Variants in ATP9A observed in about 807,000 individuals in gnomAD.
The protein encoded by ATP9A is ATPase phospholipid transporting 9A, also known as probable phospholipid-transporting ATPase IIA.
Under a neutral mutation model 144.1 loss-of-function variants are expected in ATP9A, and 52 were observed. That is an observed-to-expected ratio of 0.36 (90% CI 0.29 to 0.45). The LOEUF (loss-of-function observed/expected upper bound fraction) is 0.45, where lower values mean the gene tolerates loss of function less well. ATP9A is among the 20% of genes least tolerant of loss of function. ATP9A has a pLI of 1.00. For synonymous variants in ATP9A, 582 were observed against 557.4 expected (o/e 1.04, Z -0.62); for missense variants, 947 against 1,392.7 (o/e 0.68, Z 5.09).
At chr20:51,616,608 C>CACACCGG (rs2077203847) in intron 22 of ATP9A, among the ~76,000 whole-genome samples, 1 of 152,178 alleles carries the variant, frequency 6.6e-6, no homozygotes, top group African/African-American at 2.4e-5. Context: ...CGTGAGCCAC[C>CACACCGG]GCTTCCAGCC....
chr20:51,671,538 C>T (rs1410672577), intron 11 of ATP9A, among the ~76,000 whole-genome samples: 2 of 152,154 alleles, frequency 1.3e-5, no homozygotes, highest in Non-Finnish European at 2.9e-5. Flanking sequence ...AGAAAAATTA[C>T]TGATCCCTTA....
rs761128939 is a variant in ATP9A at position 51,730,013 on chromosome 20, C to A, written c.69-35G>T. On this transcript the variant is annotated intron_variant, in intron 1 of 27. Coordinates refer to ENST00000338821, the MANE Select transcript of ATP9A (RefSeq NM_006045.3). ...AGAAACCCACGCATCAAGGCCACGC[C>A]CACGCATCGAGGCTGTGCTCATGTC... The A allele has an allele frequency of 5.4e-6, 8 of 1,481,996 alleles. No individual in the cohort carries two copies. The East Asian group carries it at 7.4e-5, about 14-fold the overall frequency. The allele number at this position is 1,481,996 out of a possible 1,614,324, so 91.8% of individuals were successfully genotyped here.
chr20:51,729,268 T>G (rs1269364257), intron 2 of ATP9A, among the ~76,000 whole-genome samples: 1 of 152,134 alleles, frequency 6.6e-6, no homozygotes, highest in Non-Finnish European at 1.5e-5. Flanking sequence ...ACCAAATACA[T>G]GTGAAGTTAC....
At chr20:51,637,286 T>C (rs2077296181) in intron 15 of ATP9A, among the ~76,000 whole-genome samples, 1 of 138,204 alleles carries the variant, frequency 7.2e-6, no homozygotes, top group African/African-American at 2.7e-5. Flanking sequence ...AAGTATCTTA[T>C]TTGATAACTT....
At chr20:51,768,024 C>T (rs961880429) in intron 1 of ATP9A, among the ~76,000 whole-genome samples, 1 of 152,130 alleles carries the variant, frequency 6.6e-6, no homozygotes, top group Non-Finnish European at 1.5e-5. Context: ...GTAAACAGCA[C>T]TGGGGCGGGC....
intron 10 of ATP9A, among the ~76,000 whole-genome samples, chr20:51,675,887 GAAAA>G (rs375688302): frequency 1.9e-5 from 2 of 103,500 alleles, no homozygotes; most frequent in Non-Finnish European, 4.4e-5. Flanking sequence ...CTCAAAAAAA[GAAAA>G]AAAAAAAAAA....
At chr20:51,626,266 A>G (rs2077248110) in intron 17 of ATP9A, among the ~76,000 whole-genome samples, 1 of 152,358 alleles carries the variant, frequency 6.6e-6, no homozygotes. Context: ...AGGCAGGCAG[A>G]TCACCTGAGG....
At position 51,612,356 on chromosome 20, in the gene ATP9A, A is replaced by G. The variant is rs533066459; in HGVS notation, c.2571+1321T>C. 2.6e-5 allele frequency among the ~76,000 whole-genome samples: 4 copies of G among 152,270 alleles called. No homozygotes were observed. In the South Asian group the frequency reaches 8.3e-4, roughly 32 times the overall value. ...ACAATCAATAGCTTTTTAATACCAA[A>G]AATATTTTCTTTCCCTCCTTTGGCC... On this transcript the variant is annotated intron_variant, in intron 23 of 27. Coordinates refer to ENST00000338821, the MANE Select transcript of ATP9A (RefSeq NM_006045.3).
At chr20:51,730,012 C>T in intron 1 of ATP9A, 34 bp from the exon 2 acceptor site, 2 of 1,484,254 alleles carry the variant, frequency 1.3e-6, no homozygotes, top group Non-Finnish European at 1.8e-6. Context: ...CAAGGCCACG[C>T]CCACGCATCG....
At chr20:51,636,870 G>A (rs963378191) in intron 15 of ATP9A, among the ~76,000 whole-genome samples, 3 of 152,346 alleles carry the variant, frequency 2.0e-5, no homozygotes, top group Admixed American at 6.5e-5. Flanking sequence ...TGGGCGGATT[G>A]CTTGATGTCA....
chr20:51,679,298 TG>T (rs2077490465), intron 9 of ATP9A, among the ~76,000 whole-genome samples: 1 of 150,490 alleles, frequency 6.6e-6, no homozygotes, highest in Admixed American at 6.6e-5. Context: ...TACTCCAGCC[TG>T]GGTGACGGAG....
intron 17 of ATP9A, among the ~76,000 whole-genome samples, chr20:51,626,850 A>G (rs892764539): frequency 2.0e-5 from 3 of 152,126 alleles, no homozygotes; most frequent in African/African-American, 7.2e-5. Flanking sequence ...TGAGGTCAGG[A>G]GTTCGAGACC....
At chr20:51,750,957 T>C (rs910792077) in intron 1 of ATP9A, among the ~76,000 whole-genome samples, 14 of 152,092 alleles carry the variant, frequency 9.2e-5, no homozygotes, top group Admixed American at 8.5e-4. Context: ...GGAGCGTCCA[T>C]GAGCAACACA....
intron 1 of ATP9A, among the ~76,000 whole-genome samples, chr20:51,737,484 A>G (rs921280405): frequency 7.9e-5 from 12 of 152,188 alleles, no homozygotes; most frequent in African/African-American, 2.7e-4. Flanking sequence ...CTCTTTGCAC[A>G]CGTGTGGGGC....
chr20:51,681,427 C>CTTTTTTTTTTTT (rs66579534), intron 9 of ATP9A, among the ~76,000 whole-genome samples: 1 of 131,636 alleles, frequency 7.6e-6, no homozygotes. Context: ...TCCTAAATTT[C>CTTTTTTTTTTTT]TTTTTTTTTT....
chr20:51,605,856 T>C (rs1209860715), intron 26 of ATP9A, among the ~76,000 whole-genome samples: 1 of 147,908 alleles, frequency 6.8e-6, no homozygotes, highest in African/African-American at 2.5e-5. Flanking sequence ...GAAGTTGCAG[T>C]AAGCCGAGAT....
chr20:51,718,391 T>C (rs1376936500), intron 3 of ATP9A, among the ~76,000 whole-genome samples: 2 of 151,172 alleles, frequency 1.3e-5, no homozygotes, highest in Non-Finnish European at 2.9e-5. Context: ...GGTTGTTTGT[T>C]TGGTTGTTTT....
chr20:51,737,638 T>G (rs2077768022), intron 1 of ATP9A, among the ~76,000 whole-genome samples: 1 of 152,216 alleles, frequency 6.6e-6, no homozygotes, highest in Non-Finnish European at 1.5e-5. Context: ...ATGAATAAAG[T>G]CACTTGACTT....
At chr20:51,762,711 T>C (rs1388914704) in intron 1 of ATP9A, among the ~76,000 whole-genome samples, 7 of 133,802 alleles carry the variant, frequency 5.2e-5, no homozygotes, top group Admixed American at 5.2e-4. Flanking sequence ...ATGGCTTTTT[T>C]TTTTTTTTTT....
Sources: allele counts gnomAD v4.1 joint callset (sites outside exome capture counted in the v4.1 genomes callset), GRCh38; gene constraint gnomAD v4.1.1; transcripts MANE v1.5; gene names NCBI Gene and HGNC (gene_info 2026-07-23, HGNC 2026-07-21).